Variants in ABTB2 observed in about 807,000 individuals in gnomAD.
ABTB2 encodes the protein ankyrin repeat and BTB/POZ domain-containing protein 2.
ABTB2 carries 56 observed loss-of-function variants against 104.1 expected under a neutral mutation model. The observed-to-expected ratio is 0.54, with a 90% CI of 0.43 to 0.67. The LOEUF (loss-of-function observed/expected upper bound fraction) is 0.67, where lower values mean the gene tolerates loss of function less well. Ranked by LOEUF, ABTB2 falls within the 30% of genes least tolerant of loss-of-function variation. The pLI is 0.00. For missense variants in ABTB2, 1,279 were observed against 1,407.7 expected (o/e 0.91, Z 1.46); for synonymous variants, 606 against 608.2 (o/e 1.00, Z 0.05).
intron 1 of ABTB2, among the ~76,000 whole-genome samples, chr11:34,219,655 C>T (rs1320715973): frequency 6.6e-6 from 1 of 152,178 alleles, no homozygotes; most frequent in African/African-American, 2.4e-5. Flanking sequence ...GAAATATGTA[C>T]CATTGTGTTA....
At chr11:34,194,645 C>G (rs957868635) in intron 3 of ABTB2, among the ~76,000 whole-genome samples, 13 of 151,178 alleles carry the variant, frequency 8.6e-5, no homozygotes, top group African/African-American at 3.2e-4. Flanking sequence ...AGGGCCTTCC[C>G]TGTCAGTGAG....
intron 1 of ABTB2, among the ~76,000 whole-genome samples, chr11:34,331,135 C>G (rs1344002724): frequency 6.6e-6 from 1 of 152,078 alleles, no homozygotes; most frequent in Non-Finnish European, 1.5e-5. Context: ...TGTGGTAAAA[C>G]CAAAAAGATA....
chr11:34,348,121 AACCCCTCAC>A (rs1288646738), intron 1 of ABTB2, among the ~76,000 whole-genome samples: 25 of 152,212 alleles, frequency 1.6e-4, no homozygotes, highest in Admixed American at 6.5e-5. Context: ...CTTGTTCTTC[AACCCCTCAC>A]AACCCAAGTT....
rs566834528 is a variant in ABTB2 at position 34,194,519 on chromosome 11, C to A, written c.1244+2806G>T. On this transcript the variant is annotated intron_variant, in intron 3 of 16. Transcript: ENST00000435224. The stretch of plus-strand genomic sequence containing the variant: ...TACTATTTGCATCAGGAGAGGTTTT[C>A]CCCAGAGCTCTGGTGAGGGTATCAG... 8.5e-5 allele frequency among the ~76,000 whole-genome samples: 13 copies of A among 152,148 alleles called. No individual in the cohort carries two copies. In the South Asian group the frequency reaches 2.5e-3, roughly 29 times the overall value.
Position 34,283,247 on chromosome 11 carries a change from G to A in ABTB2, c.883+73454C>T, listed in dbSNP as rs143399558. ...TTTTCTTTTTTTGAGATGGAATCTCGCTCTGTAACCCAGGCTGGAGTGCAG... is the reference window on the plus strand; with the variant it reads ...TTTTCTTTTTTTGAGATGGAATCTCACTCTGTAACCCAGGCTGGAGTGCAG... On this transcript the variant is annotated intron_variant, in intron 1 of 16. Transcript: ENST00000435224. Among the ~76,000 whole-genome samples the A allele has an allele frequency of 4.4e-3, 669 of 151,686 alleles. 6 individuals carry two copies. Among genetic ancestry groups the A allele is most frequent in the African/African-American group, 0.016 (644 of 41,320 alleles).
chr11:34,186,866 A>G (rs900213308), intron 3 of ABTB2, among the ~76,000 whole-genome samples: 1 of 152,192 alleles, frequency 6.6e-6, no homozygotes, highest in East Asian at 1.9e-4. Flanking sequence ...AGCTGAGAGC[A>G]AGCTGCCCAC....
At chr11:34,295,146 T>C (rs527956339) in intron 1 of ABTB2, among the ~76,000 whole-genome samples, 7 of 152,298 alleles carry the variant, frequency 4.6e-5, no homozygotes, top group Non-Finnish European at 1.0e-4. Context: ...ATTGCATCAC[T>C]GCACTTTCGT....
chr11:34,249,090 T>C (rs893711194), intron 1 of ABTB2, among the ~76,000 whole-genome samples: 1 of 152,208 alleles, frequency 6.6e-6, no homozygotes, highest in African/African-American at 2.4e-5. Context: ...GATCGTGCCA[T>C]TGCACTCTAG....
At chr11:34,320,367 T>C (rs1854985359) in intron 1 of ABTB2, among the ~76,000 whole-genome samples, 2 of 152,158 alleles carry the variant, frequency 1.3e-5, no homozygotes, top group Admixed American at 1.3e-4. Context: ...GGAATTGAAG[T>C]CAGAAGGCAG....
At chr11:34,199,712 C>T (rs965792776) in intron 2 of ABTB2, among the ~76,000 whole-genome samples, 6 of 152,134 alleles carry the variant, frequency 3.9e-5, no homozygotes, top group Admixed American at 2.0e-4. Context: ...AAATCCCTTA[C>T]GTAGTTATCA....
chr11:34,305,280 G>A (rs1189012951), intron 1 of ABTB2, among the ~76,000 whole-genome samples: 1 of 152,228 alleles, frequency 6.6e-6, no homozygotes, highest in Non-Finnish European at 1.5e-5. Flanking sequence ...GGCAGTGTTA[G>A]TTTCCTAAGT....
intron 1 of ABTB2, among the ~76,000 whole-genome samples, chr11:34,344,762 T>C (rs1855309626): frequency 6.6e-6 from 1 of 152,150 alleles, no homozygotes; most frequent in South Asian, 2.1e-4. Context: ...CCTCCTAAGG[T>C]GCTAGGATTA....
chr11:34,223,626 T>A (rs289981), intron 1 of ABTB2, among the ~76,000 whole-genome samples: 2 of 152,234 alleles, frequency 1.3e-5, no homozygotes, highest in African/African-American at 4.8e-5. Context: ...TTGCAGCTTG[T>A]GCCTTGCAGG....
At chr11:34,234,342 A>G (rs1033303073) in intron 1 of ABTB2, among the ~76,000 whole-genome samples, 3 of 152,162 alleles carry the variant, frequency 2.0e-5, no homozygotes, top group Non-Finnish European at 2.9e-5. Context: ...GAGAACTTTT[A>G]GATTCTCCCC....
chr11:34,162,880 C>T, intron 9 of ABTB2, 75 bp from the exon 10 acceptor site: 2 of 1,384,856 alleles, frequency 1.4e-6, no homozygotes, highest in Non-Finnish European at 2.0e-6. Context: ...TCCCCCAGTG[C>T]CCTCCTGCCC....
At chr11:34,156,857 A>G (rs1021463946) in intron 14 of ABTB2, among the ~76,000 whole-genome samples, 2 of 152,202 alleles carry the variant, frequency 1.3e-5, no homozygotes, top group African/African-American at 4.8e-5. Flanking sequence ...ACATGTTGAA[A>G]TAATATTTTG....
At chr11:34,253,045 C>T (rs188544346) in intron 1 of ABTB2, among the ~76,000 whole-genome samples, 2 of 152,290 alleles carry the variant, frequency 1.3e-5, no homozygotes, top group African/African-American at 4.8e-5. Context: ...AAGGCTCAGT[C>T]CAAGTGATCT....
Position 34,184,721 on chromosome 11 carries a change from C to A in ABTB2, c.1245-11414G>T, listed in dbSNP as rs537621464. On this transcript the variant is annotated intron_variant, in intron 3 of 16. Coordinates refer to ENST00000435224, the MANE Select transcript of ABTB2 (RefSeq NM_145804.3). ...GGCCTGGGCCTCAGTGCTTCCCACA[C>A]CCTTGGGTGGCAGGTGTGAAAGCCG... is the stretch of plus-strand genomic sequence containing the variant. Among the ~76,000 whole-genome samples the A allele has an allele frequency of 4.7e-4, 72 of 152,372 alleles. No homozygotes were observed. The East Asian group carries it at 6.9e-3, about 15-fold the overall frequency.
At chr11:34,176,896 C>T (rs1013725053) in intron 3 of ABTB2, among the ~76,000 whole-genome samples, 1 of 152,216 alleles carries the variant, frequency 6.6e-6, no homozygotes, top group African/African-American at 2.4e-5. Flanking sequence ...AATTATCCCT[C>T]TGTTTATAAG....
Sources: gnomAD v4.1 joint callset for allele counts (sites outside exome capture counted in the v4.1 genomes callset) on GRCh38, gnomAD v4.1.1 for gene constraint, MANE v1.5 for transcripts, NCBI Gene and HGNC (gene_info 2026-07-23, HGNC 2026-07-21) for gene names.